ACTR3C: variants seen among roughly 807,000 people sequenced by gnomAD.
ACTR3C encodes the protein actin related protein 3C.
ACTR3C carries 18 observed loss-of-function variants against 26.3 expected under a neutral mutation model. The observed-to-expected ratio is 0.68, with a 90% CI of 0.47 to 1.01. The LOEUF is 1.01. ACTR3C is among the 50% of genes least tolerant of loss of function. The pLI is 0.00. For synonymous variants in ACTR3C, 55 were observed against 94.5 expected (o/e 0.58, Z 2.42); for missense variants, 184 against 250.7 (o/e 0.73, Z 1.80).
chr7:150,065,334 G>A, the ACTR3C span, among the ~76,000 whole-genome samples: 1 of 152,066 alleles, frequency 6.6e-6, no homozygotes, highest in Non-Finnish European at 1.5e-5. Flanking sequence ...TTGTATTATT[G>A]CATTACTGCT....
At chr7:149,999,443 C>T in the ACTR3C span, among the ~76,000 whole-genome samples, 1 of 150,500 alleles carries the variant, frequency 6.6e-6, no homozygotes, top group East Asian at 2.1e-4. Flanking sequence ...CACATAGAGG[C>T]CTCGGAACAA....
intron 4 of ACTR3C, among the ~76,000 whole-genome samples, chr7:150,288,831 C>T (rs985803998): frequency 5.4e-4 from 80 of 149,352 alleles, no homozygotes; most frequent in Non-Finnish European, 9.0e-4. Context: ...CAGAGCCTGC[C>T]TCATGCCAGT....
At chr7:150,070,049 C>T in the ACTR3C span, among the ~76,000 whole-genome samples, 2 of 152,174 alleles carry the variant, frequency 1.3e-5, no homozygotes, top group Admixed American at 6.5e-5. Context: ...AGGTCTGTCA[C>T]GTGGAAGGCA....
At chr7:150,098,180 C>T in the ACTR3C span, among the ~76,000 whole-genome samples, 2 of 151,592 alleles carry the variant, frequency 1.3e-5, no homozygotes, top group African/African-American at 4.9e-5. Context: ...ATTGGGCCAG[C>T]GACTGACCCC....
the ACTR3C span, among the ~76,000 whole-genome samples, chr7:150,162,775 C>G: frequency 1.3e-5 from 2 of 152,120 alleles, no homozygotes; most frequent in Non-Finnish European, 2.9e-5. Flanking sequence ...AAGATCCATC[C>G]TAGAGATATT....
chr7:150,039,157 G>T, the ACTR3C span, among the ~76,000 whole-genome samples: 7 of 151,060 alleles, frequency 4.6e-5, no homozygotes, highest in East Asian at 1.4e-3. Context: ...GCCGGTGGGG[G>T]AAGAGGGTCT....
the ACTR3C span, among the ~76,000 whole-genome samples, chr7:149,899,871 A>G: frequency 1.5e-5 from 2 of 129,486 alleles, no homozygotes; most frequent in Admixed American, 1.8e-4. Context: ...TCCAAAACAC[A>G]TTATACTCAA....
chr7:150,119,621 A>C, the ACTR3C span, among the ~76,000 whole-genome samples: 1 of 152,200 alleles, frequency 6.6e-6, no homozygotes, highest in African/African-American at 2.4e-5. Context: ...TTAGACTCCC[A>C]CAAAATAATA....
At chr7:150,012,050 G>A in the ACTR3C span, among the ~76,000 whole-genome samples, 1 of 152,124 alleles carries the variant, frequency 6.6e-6, no homozygotes, top group African/African-American at 2.4e-5. Context: ...AGCAGCGATG[G>A]GGTATTCTTT....
intron 1 of ACTR3C, among the ~76,000 whole-genome samples, chr7:150,303,229 C>T (rs2531020): frequency 1.3e-5 from 2 of 152,256 alleles, no homozygotes; most frequent in South Asian, 2.1e-4. Context: ...AGACTCAAGT[C>T]GTAGACTTGC....
At chr7:149,930,189 AT>A in the ACTR3C span, among the ~76,000 whole-genome samples, 2 of 152,244 alleles carry the variant, frequency 1.3e-5, no homozygotes, top group African/African-American at 4.8e-5. Flanking sequence ...CATGGGTGAC[AT>A]TCCATAAAAG....
At chr7:150,042,605 AGTCCC>A in the ACTR3C span, among the ~76,000 whole-genome samples, 1 of 143,594 alleles carries the variant, frequency 7.0e-6, no homozygotes, top group Non-Finnish European at 1.5e-5. Flanking sequence ...CTGCGATGGG[AGTCCC>A]AAGAGCCAGG....
At chr7:149,981,208 T>C in the ACTR3C span, among the ~76,000 whole-genome samples, 1 of 152,070 alleles carries the variant, frequency 6.6e-6, no homozygotes, top group African/African-American at 2.4e-5. Context: ...CCGCAACAAG[T>C]ACAAGTGTCA....
the ACTR3C span, among the ~76,000 whole-genome samples, chr7:150,168,602 T>C: frequency 1.3e-5 from 2 of 150,890 alleles, no homozygotes; most frequent in African/African-American, 5.0e-5. Context: ...TGCCACTCCA[T>C]ACCAGTCTGG....
chr7:150,022,497 A>G, the ACTR3C span, among the ~76,000 whole-genome samples: 2 of 151,734 alleles, frequency 1.3e-5, no homozygotes, highest in Non-Finnish European at 2.9e-5. Context: ...TCATAAACTG[A>G]GCTGGAACTC....
the ACTR3C span, among the ~76,000 whole-genome samples, chr7:149,910,807 T>C: frequency 6.6e-6 from 1 of 152,080 alleles, no homozygotes; most frequent in African/African-American, 2.4e-5. Context: ...ATTTTACTAT[T>C]TTTGAACACA....
the ACTR3C span, among the ~76,000 whole-genome samples, chr7:149,925,443 C>T: frequency 2.0e-5 from 3 of 152,170 alleles, no homozygotes; most frequent in Admixed American, 1.3e-4. Context: ...CAGGGGAAGC[C>T]GGCACCATTA....
the ACTR3C span, among the ~76,000 whole-genome samples, chr7:150,166,683 A>G: frequency 1.7e-4 from 26 of 149,798 alleles, 2 homozygotes; most frequent in African/African-American, 6.6e-4. Context: ...TGGGCAACAG[A>G]GTTAGATTCC....
the ACTR3C span, among the ~76,000 whole-genome samples, chr7:150,186,526 C>G: frequency 6.6e-6 from 1 of 152,138 alleles, no homozygotes; most frequent in Non-Finnish European, 1.5e-5. Flanking sequence ...GTTCTGGCCA[C>G]TGTAACATTT....
Sources: gnomAD v4.1 joint callset for allele counts (sites outside exome capture counted in the v4.1 genomes callset) on GRCh38, gnomAD v4.1.1 for gene constraint, MANE v1.5 for transcripts, NCBI Gene and HGNC (gene_info 2026-07-23, HGNC 2026-07-21) for gene names.